The following PTGFRN variants were observed in gnomAD, a reference collection of about 807,000 sequenced individuals.
PTGFRN encodes the protein prostaglandin F2 receptor negative regulator.
PTGFRN carries 35 observed loss-of-function variants against 83.2 expected under a neutral mutation model. The ratio of observed to expected loss-of-function variants is 0.42; its 90% CI spans 0.32 to 0.56. PTGFRN has a LOEUF of 0.56. PTGFRN is among the 20% of genes least tolerant of loss of function. The pLI, the probability that PTGFRN is intolerant of heterozygous loss-of-function variation, is 0.11. For missense variants in PTGFRN, 1,051 were observed against 1,179.5 expected (o/e 0.89, Z 1.60); for synonymous variants, 519 against 498.6 (o/e 1.04, Z -0.55).
intron 6 of PTGFRN, among the ~76,000 whole-genome samples, chr1:116,968,636 A>C (rs1328283587): frequency 6.6e-6 from 1 of 152,126 alleles, no homozygotes; most frequent in Admixed American, 6.5e-5. Context: ...TGCAACTATC[A>C]CTACTATCTA....
At chr1:116,982,868 G>A (rs74351896) in intron 7 of PTGFRN, among the ~76,000 whole-genome samples, 19 of 152,154 alleles carry the variant, frequency 1.2e-4, no homozygotes, top group East Asian at 1.9e-4. Context: ...GGCCTCTGGA[G>A]GGGGGAGGGT....
intron 6 of PTGFRN, among the ~76,000 whole-genome samples, chr1:116,968,355 A>C (rs74113328): frequency 0.065 from 9,913 of 152,060 alleles, 387 homozygotes; most frequent in Non-Finnish European, 0.09. Context: ...GACTCTAATA[A>C]AGTTTTTCTA....
chr1:116,967,135 G>A lies in PTGFRN; in HGVS notation c.1864G>A (p.Ala622Thr). The A allele has an allele frequency of 6.2e-7, 1 of 1,614,234 alleles. No homozygotes were observed. The highest frequency in any genetic ancestry group is 8.5e-7 in the Non-Finnish European group (1 of 1,180,050). The change falls in exon 6 of 9, where the codon GCA (alanine) becomes ACA (threonine). Residue 622 changes from alanine to threonine, a missense_variant. Transcript: ENST00000393203. ...GGTGAAGCTGGAGAATTGGACAGAT[G>A]CATCACGGGTGGATGGCGTTGTTTT... ...SVVKLENWTD[A>T]SRVDGVVLEK...
At chr1:116,951,633 G>A (rs1650349869) in intron 4 of PTGFRN, among the ~76,000 whole-genome samples, 2 of 152,318 alleles carry the variant, frequency 1.3e-5, no homozygotes, top group African/African-American at 4.8e-5. Flanking sequence ...CCTAACGAAA[G>A]AGCGAGTAGT....
At chr1:116,946,757 A>G (rs937903574) in intron 3 of PTGFRN, among the ~76,000 whole-genome samples, 2 of 152,220 alleles carry the variant, frequency 1.3e-5, no homozygotes, top group Non-Finnish European at 2.9e-5. Flanking sequence ...AAAATACAGT[A>G]CACAAGATGA....
At chr1:116,966,288 T>C (rs751007403) in intron 5 of PTGFRN, among the ~76,000 whole-genome samples, 7 of 152,222 alleles carry the variant, frequency 4.6e-5, no homozygotes, top group Non-Finnish European at 8.8e-5. Flanking sequence ...TTAAACAGCA[T>C]TTCTGAAATT....
chr1:116,984,823 G>T lies in PTGFRN; in HGVS notation c.2311G>T (p.Val771Leu). The change falls in exon 8 of 9, where the codon GTG becomes TTG. Residue 771 changes from valine to leucine, a missense_variant. Coordinates refer to ENST00000393203, the MANE Select transcript of PTGFRN (RefSeq NM_020440.4). ...GAAGAGCGACCTCAGCCTGGAGCGC[G>T]TGAGTGTGCTGGAATTCTTGCTGCA... ...DWKSDLSLER[V>L]SVLEFLLQVH... The T allele has an allele frequency of 1.2e-6, 2 of 1,614,164 alleles. No individual in the cohort carries two copies. The highest frequency in any genetic ancestry group is 1.7e-6 in the Non-Finnish European group (2 of 1,180,026).
In PTGFRN at chr1:116,986,317, T is replaced by C. The variant is rs533659908; in HGVS notation, c.2474-484T>C. On this transcript the variant is annotated intron_variant, in intron 8 of 8. Transcript: ENST00000393203. ...GAATTCCTTGCTTGAAGTAACTCCG[T>C]ATAAAAACCCAGATTTAACAAACAG... is the stretch of plus-strand genomic sequence containing the variant. 2.6e-5 allele frequency among the ~76,000 whole-genome samples: 4 copies of C among 152,324 alleles called. No individual in the cohort carries two copies. The South Asian group carries it at 8.3e-4, about 32-fold the overall frequency.
chr1:116,961,744 C>T lies in PTGFRN; in HGVS notation c.1639+76C>T, dbSNP rs1458803635. On this transcript the variant is annotated intron_variant, in intron 5 of 8. Coordinates refer to ENST00000393203, the MANE Select transcript of PTGFRN (RefSeq NM_020440.4). The surrounding 1 kb of genome is among the most constrained non-coding windows in gnomAD (Gnocchi z 5.4). ...GTGCCGCTGTGTGTTGATGCACAGT[C>T]ACCCTCTGCAGGTTATCACTTACAC... 1 of 1,346,740 alleles carries T rather than the reference C, an allele frequency of 7.4e-7. No individual in the cohort carries two copies. The highest frequency in any genetic ancestry group is 1.4e-5 in the South Asian group (1 of 69,486). 83.4% of individuals were successfully genotyped at this position (1,346,740 alleles called of 1,614,324 possible).
chr1:116,954,410 G>A (rs1284742678), intron 4 of PTGFRN, among the ~76,000 whole-genome samples: 2 of 151,326 alleles, frequency 1.3e-5, no homozygotes, highest in African/African-American at 2.4e-5. Context: ...TGGTCAATAT[G>A]CTCAGCTGCC....
At position 116,985,122 on chromosome 1, in the gene PTGFRN, A is replaced by C. The variant is rs1277559849; in HGVS notation, c.2473+137A>C. 4 of 893,594 alleles carry C rather than the reference A, an allele frequency of 4.5e-6. No individual in the cohort carries two copies. The African/African-American group carries it at 6.7e-5, about 15-fold the overall frequency. 55.4% of individuals were successfully genotyped at this position (893,594 alleles called of 1,614,324 possible). ...CTGCTTTCTTTCTAGACCTGGCCTG[A>C]GCCTGCACCCAGAAGGGCACCAGCA... On this transcript the variant is annotated intron_variant, in intron 8 of 8. Transcript: ENST00000393203.
rs188883808 is a variant in PTGFRN, at chr1:116,944,991, C to T, written c.731C>T (p.Ser244Phe). The T allele has an allele frequency of 1.1e-4, 184 of 1,613,862 alleles. 1 individual carries two copies. The Middle Eastern group carries it at 1.2e-3, about 10-fold the overall frequency. The change falls in exon 3 of 9, where the codon TCC (serine) becomes TTC (phenylalanine). Residue 244 changes from serine to phenylalanine, a missense_variant. Transcript: ENST00000393203. ...CGGGCTCTGTCTGCCGACCAGGGCTCCTACAGGTGTATCGTCAGCGAGTGG... is the reference window on the plus strand; with the variant it reads ...CGGGCTCTGTCTGCCGACCAGGGCTTCTACAGGTGTATCGTCAGCGAGTGG... ...VSRALSADQGSYRCIVSEWIA... is the reference protein window; with the variant it reads ...VSRALSADQGFYRCIVSEWIA...
At chr1:116,944,142 C>A (rs1309124063) in intron 2 of PTGFRN, among the ~76,000 whole-genome samples, 3 of 152,244 alleles carry the variant, frequency 2.0e-5, no homozygotes, top group African/African-American at 7.2e-5. Flanking sequence ...CATCCTTTCT[C>A]CCCTGTGGAT....
intron 1 of PTGFRN, among the ~76,000 whole-genome samples, chr1:116,931,503 T>C (rs918570261): frequency 1.3e-5 from 2 of 151,970 alleles, no homozygotes; most frequent in African/African-American, 4.8e-5. Flanking sequence ...TTTCTTTTTT[T>C]TTTTTTTTAA....
intron 1 of PTGFRN, among the ~76,000 whole-genome samples, chr1:116,919,064 C>T (rs931704090): frequency 1.3e-5 from 2 of 152,110 alleles, no homozygotes; most frequent in African/African-American, 4.8e-5. Flanking sequence ...CTTCTGAGTT[C>T]AGGGTTTTGG....
chr1:116,965,475 G>C (rs1443037618), intron 5 of PTGFRN, among the ~76,000 whole-genome samples: 4 of 151,970 alleles, frequency 2.6e-5, no homozygotes, highest in Non-Finnish European at 5.9e-5. Flanking sequence ...TAGAGGCACG[G>C]GGTTTTGCTA....
intron 1 of PTGFRN, among the ~76,000 whole-genome samples, chr1:116,917,594 C>CATGCTAGTT (rs1553240142): frequency 3.3e-5 from 5 of 152,158 alleles, no homozygotes; most frequent in African/African-American, 4.8e-5. Context: ...CTTCCCCAGA[C>CATGCTAGTT]ATGCTAGTTA....
At chr1:116,934,304 C>T (rs1321843700) in intron 1 of PTGFRN, among the ~76,000 whole-genome samples, 1 of 151,970 alleles carries the variant, frequency 6.6e-6, no homozygotes, top group Non-Finnish European at 1.5e-5. Context: ...TGCCACCATG[C>T]CTGGCTAATT....
intron 7 of PTGFRN, among the ~76,000 whole-genome samples, chr1:116,975,470 C>G (rs960686336): frequency 3.3e-5 from 5 of 152,204 alleles, no homozygotes; most frequent in African/African-American, 7.2e-5. Flanking sequence ...TGGGAGGAAC[C>G]CCCCAGTAGG....
Sources: gnomAD v4.1 joint callset for allele counts (sites outside exome capture counted in the v4.1 genomes callset) on GRCh38, gnomAD v4.1.1 for gene constraint, Gnocchi (gnomAD v3.1) non-coding constraint, MANE v1.5 for transcripts, NCBI Gene and HGNC (gene_info 2026-07-23, HGNC 2026-07-21) for gene names.